Variants in KCNMB2 observed in about 807,000 individuals in gnomAD.
The protein encoded by KCNMB2 is potassium calcium-activated channel subfamily M regulatory beta subunit 2.
A neutral mutation model predicts 24.5 loss-of-function variants in KCNMB2; 9 were observed. That is an observed-to-expected ratio of 0.37 (90% CI 0.22 to 0.64). KCNMB2 has a LOEUF of 0.64. Ranked by LOEUF, KCNMB2 falls within the 30% of genes least tolerant of loss-of-function variation. The pLI is 0.63. For synonymous variants in KCNMB2, 109 were observed against 104.4 expected, an observed-to-expected ratio of 1.04 and a Z score of -0.27; for missense variants, 226 against 284.3, an observed-to-expected ratio of 0.79 and a Z score of 1.47.
chr3:178,610,203 G>A (rs1718433286), intron 1 of KCNMB2, among the ~76,000 whole-genome samples: 1 of 152,120 alleles, frequency 6.6e-6, no homozygotes, highest in Non-Finnish European at 1.5e-5. Flanking sequence ...TTGAGGTCAG[G>A]TAATGTGATT....
chr3:178,610,459 A>G (rs189807529), intron 1 of KCNMB2, among the ~76,000 whole-genome samples: 1 of 152,162 alleles, frequency 6.6e-6, no homozygotes, highest in Non-Finnish European at 1.5e-5. Flanking sequence ...CATTATAGAG[A>G]TCATTCACTT....
intron 1 of KCNMB2, among the ~76,000 whole-genome samples, chr3:178,601,952 A>G (rs111945850): frequency 6.6e-6 from 1 of 152,340 alleles, no homozygotes; most frequent in African/African-American, 2.4e-5. Context: ...GAGCAGGTAA[A>G]TTAAAGGGTT....
At chr3:178,809,719 T>C (rs1244147177) in intron 2 of KCNMB2, among the ~76,000 whole-genome samples, 1 of 152,252 alleles carries the variant, frequency 6.6e-6, no homozygotes, top group African/African-American at 2.4e-5. Context: ...ATTGGTAATA[T>C]TTGTGGAGTT....
At chr3:178,599,796 T>A (rs1718014047) in intron 1 of KCNMB2, among the ~76,000 whole-genome samples, 1 of 152,182 alleles carries the variant, frequency 6.6e-6, no homozygotes, top group African/African-American at 2.4e-5. Flanking sequence ...GGAACCACCA[T>A]TCTACTTTTC....
chr3:178,810,115 T>G (rs1714128743), intron 2 of KCNMB2, among the ~76,000 whole-genome samples: 1 of 152,182 alleles, frequency 6.6e-6, no homozygotes, highest in Non-Finnish European at 1.5e-5. Context: ...TATCTGTGGC[T>G]CTGTTTAAGG....
chr3:178,695,503 C>A (rs933016360), intron 1 of KCNMB2, among the ~76,000 whole-genome samples: 1 of 152,180 alleles, frequency 6.6e-6, no homozygotes, highest in African/African-American at 2.4e-5. Flanking sequence ...TCTATCAACT[C>A]TTGAATGTCT....
At position 178,564,879 on chromosome 3, in the gene KCNMB2, A is replaced by T. The variant is rs1009828615; in HGVS notation, c.-68+28168A>T. Among the ~76,000 whole-genome samples, 18 of 152,212 alleles carry T rather than the reference A, an allele frequency of 1.2e-4. 1 individual carries two copies. The highest frequency in any genetic ancestry group is 4.1e-4 in the African/African-American group (17 of 41,460). ...TATGTGCAATTTTCCTCATTGCAGC[A>T]TTATTTGTAATATTAAAATTTTGGA... On this transcript the variant is annotated intron_variant, in intron 1 of 4. Transcript: ENST00000452583.
In KCNMB2 at chr3:178,794,085, G is replaced by A. The variant is rs535468014; in HGVS notation, c.-67-13258G>A. Among the ~76,000 whole-genome samples the A allele has an allele frequency of 2.6e-3, 392 of 152,238 alleles. 2 individuals are homozygous for A. The highest frequency in any genetic ancestry group is 9.1e-3 in the African/African-American group (376 of 41,528). On this transcript the variant is annotated intron_variant, in intron 1 of 4. Coordinates refer to ENST00000452583, the MANE Select transcript of KCNMB2 (RefSeq NM_181361.3). ...AGGGATATTACACGGTTGCAAAGCA[G>A]CCACTGGCCCCAGGTACAGAGGTGA...
Position 178,643,477 on chromosome 3 carries a change from A to G in KCNMB2, c.-68+106766A>G, listed in dbSNP as rs139574341. Among the ~76,000 whole-genome samples, 873 of 152,282 alleles carry G rather than the reference A, an allele frequency of 5.7e-3. 7 individuals carry two copies. The highest frequency in any genetic ancestry group is 0.02 in the African/African-American group (816 of 41,554). Reference sequence around the variant, plus strand: ...TAGCAGTGTCCATTTCTTGGTTTTTATATTGTATTACAGTTGTGCATGACA... The same window carrying G: ...TAGCAGTGTCCATTTCTTGGTTTTTGTATTGTATTACAGTTGTGCATGACA... On this transcript the variant is annotated intron_variant, in intron 1 of 4. Transcript: ENST00000452583.
At chr3:178,703,593 G>A (rs1451368630) in intron 1 of KCNMB2, among the ~76,000 whole-genome samples, 1 of 152,100 alleles carries the variant, frequency 6.6e-6, no homozygotes, top group Non-Finnish European at 1.5e-5. Flanking sequence ...ACAGCAAAGA[G>A]AAACTGTTAT....
intron 1 of KCNMB2, among the ~76,000 whole-genome samples, chr3:178,738,826 T>C (rs1051083175): frequency 5.9e-5 from 9 of 152,202 alleles, no homozygotes; most frequent in Non-Finnish European, 1.3e-4. Context: ...CCAGCATCTA[T>C]AGTTTGTAAT....
chr3:178,815,596 T>C (rs147679523), intron 2 of KCNMB2, among the ~76,000 whole-genome samples: 24 of 152,324 alleles, frequency 1.6e-4, no homozygotes, highest in Admixed American at 6.5e-4. Context: ...TGGACATCTT[T>C]ACTTTTGTTT....
At chr3:178,762,650 T>C (rs988111425) in intron 1 of KCNMB2, among the ~76,000 whole-genome samples, 11 of 151,716 alleles carry the variant, frequency 7.3e-5, no homozygotes, top group Admixed American at 7.2e-4. Context: ...GAGAGAAAGG[T>C]TGAAAGTTGA....
chr3:178,598,502 CAGAG>C (rs1717958838), intron 1 of KCNMB2, among the ~76,000 whole-genome samples: 1 of 151,876 alleles, frequency 6.6e-6, no homozygotes, highest in African/African-American at 2.4e-5. Context: ...ATGAACCAAA[CAGAG>C]AGATATTTGT....
intron 1 of KCNMB2, among the ~76,000 whole-genome samples, chr3:178,634,486 A>T (rs570834409): frequency 3.4e-4 from 51 of 152,190 alleles, no homozygotes; most frequent in Non-Finnish European, 6.2e-4. Context: ...AATGGGAAAA[A>T]TCCCTTATAA....
At position 178,843,643 on chromosome 3, in the gene KCNMB2, T is replaced by C. The variant is rs1033736076; in HGVS notation, c.*706T>C. ...AAGACCCTGCTACTGTGTGAAGAGA[T>C]GATACTTACAAGGAGTGTCATTACC... is the stretch of plus-strand genomic sequence containing the variant. On this transcript the variant is annotated 3_prime_UTR_variant, in exon 5 of 5. Transcript: ENST00000452583. 2.6e-5 allele frequency: 4 copies of C among 155,598 alleles called. No individual in the cohort carries two copies. Among genetic ancestry groups the C allele is most frequent in the African/African-American group, 9.6e-5 (4 of 41,482 alleles). The allele number at this position is 155,598 out of a possible 1,614,324, so 9.6% of individuals were successfully genotyped here.
intron 1 of KCNMB2, among the ~76,000 whole-genome samples, chr3:178,552,254 G>A (rs1349968597): frequency 6.6e-6 from 1 of 152,166 alleles, no homozygotes; most frequent in Non-Finnish European, 1.5e-5. Flanking sequence ...CTCCCACACT[G>A]AGGAGTTGCG....
intron 1 of KCNMB2, among the ~76,000 whole-genome samples, chr3:178,646,069 A>C (rs1281081349): frequency 6.6e-6 from 1 of 152,160 alleles, no homozygotes; most frequent in Non-Finnish European, 1.5e-5. Context: ...ATCAAGAGAA[A>C]CGTCTCATCT....
At chr3:178,562,425 C>T (rs1716354558) in intron 1 of KCNMB2, among the ~76,000 whole-genome samples, 1 of 152,146 alleles carries the variant, frequency 6.6e-6, no homozygotes, top group Non-Finnish European at 1.5e-5. Context: ...GGAACCATTA[C>T]AGCTAAGTGG....
Sources: allele counts gnomAD v4.1 joint callset (sites outside exome capture counted in the v4.1 genomes callset), GRCh38; gene constraint gnomAD v4.1.1; transcripts MANE v1.5; gene names NCBI Gene and HGNC (gene_info 2026-07-23, HGNC 2026-07-21).